Variants in SYNPR observed in about 807,000 individuals in gnomAD.
SYNPR encodes the protein synaptoporin.
In SYNPR, 23 loss-of-function variants were observed where a neutral mutation model predicts 32.9. That is an observed-to-expected ratio of 0.70 (90% CI 0.50 to 0.99). The LOEUF (loss-of-function observed/expected upper bound fraction) is 0.99. Ranked by LOEUF, SYNPR falls within the 50% of genes least tolerant of loss-of-function variation. The pLI, the probability that SYNPR is intolerant of heterozygous loss-of-function variation, is 0.00. For synonymous variants in SYNPR, 146 were observed against 135.9 expected (o/e 1.07, Z -0.52); for missense variants, 318 against 349.3 (o/e 0.91, Z 0.71).
At chr3:63,521,775 A>T (rs1316950283) in intron 3 of SYNPR, among the ~76,000 whole-genome samples, 2 of 152,196 alleles carry the variant, frequency 1.3e-5, no homozygotes, top group East Asian at 1.9e-4. Context: ...GGCACATTCA[A>T]GTGGGCAATT....
At chr3:63,363,991 C>T (rs1390461106) in intron 2 of SYNPR, among the ~76,000 whole-genome samples, 2 of 152,146 alleles carry the variant, frequency 1.3e-5, no homozygotes, top group Non-Finnish European at 2.9e-5. Context: ...GTCCCTGCTA[C>T]CCCTGACGAT....
intron 2 of SYNPR, among the ~76,000 whole-genome samples, chr3:63,401,770 G>C (rs2088296891): frequency 6.6e-6 from 1 of 152,136 alleles, no homozygotes; most frequent in Non-Finnish European, 1.5e-5. Flanking sequence ...CTTTTTTGCA[G>C]AGCATGAATG....
intron 4 of SYNPR, among the ~76,000 whole-genome samples, chr3:63,581,400 T>C (rs1314417620): frequency 6.6e-6 from 1 of 152,112 alleles, no homozygotes; most frequent in Admixed American, 6.6e-5. Flanking sequence ...TCAGTAACAG[T>C]AACATAGTAG....
Position 63,278,416 on chromosome 3 carries a change from C to G in SYNPR, c.-118C>G, listed in dbSNP as rs2086596229. 7.4e-7 allele frequency: 1 copy of G among 1,343,718 alleles called. No individual in the cohort carries two copies. The highest frequency in any genetic ancestry group is 1.0e-6 in the Non-Finnish European group (1 of 1,000,908). The allele number at this position is 1,343,718 out of a possible 1,614,324, so 83.2% of individuals were successfully genotyped here. On this transcript the variant is annotated 5_prime_UTR_variant, in exon 1 of 6. Coordinates refer to ENST00000478300, the MANE Select transcript of SYNPR (RefSeq NM_001130003.2). ...GCCCCCTGCCCTCGCCGGGCTGCTC[C>G]AGGGTGTCGCTCCTCTGGCTGCTCC...
intron 2 of SYNPR, among the ~76,000 whole-genome samples, chr3:63,371,171 C>T (rs1165103602): frequency 1.3e-5 from 2 of 152,008 alleles, no homozygotes; most frequent in African/African-American, 4.8e-5. Flanking sequence ...TGACAGTCCC[C>T]AGGAACCCAC....
At chr3:63,473,218 C>T (rs865978909) in intron 2 of SYNPR, among the ~76,000 whole-genome samples, 4 of 152,244 alleles carry the variant, frequency 2.6e-5, no homozygotes, top group African/African-American at 9.6e-5. Flanking sequence ...CTATCCATTC[C>T]TCCAGACAGC....
chr3:63,560,518 T>G (rs1702668020), intron 4 of SYNPR, among the ~76,000 whole-genome samples: 1 of 152,222 alleles, frequency 6.6e-6, no homozygotes, highest in Non-Finnish European at 1.5e-5. Context: ...TAATTTTGCT[T>G]GTTTAAAACC....
At chr3:63,315,340 C>G (rs1390027715) in intron 2 of SYNPR, among the ~76,000 whole-genome samples, 1 of 151,974 alleles carries the variant, frequency 6.6e-6, no homozygotes, top group East Asian at 1.9e-4. Context: ...TGGTAATTTT[C>G]ACAATATTGA....
chr3:63,276,905 C>A (rs1043962090), upstream of SYNPR, among the ~76,000 whole-genome samples: 6 of 133,210 alleles, frequency 4.5e-5, no homozygotes, highest in African/African-American at 1.5e-4. Context: ...ATACCCACCC[C>A]CCCCACCAAC....
chr3:63,348,483 G>A (rs2087464961), intron 2 of SYNPR, among the ~76,000 whole-genome samples: 1 of 152,016 alleles, frequency 6.6e-6, no homozygotes. Context: ...TCCAAGTTGT[G>A]TGTTCACTCT....
chr3:63,256,771 G>A (rs542554590), intron 2 of SYNPR, among the ~76,000 whole-genome samples: 2 of 152,120 alleles, frequency 1.3e-5, no homozygotes, highest in Non-Finnish European at 2.9e-5. Context: ...AAACTACTCT[G>A]AGCTAAAGGA....
intron 4 of SYNPR, among the ~76,000 whole-genome samples, chr3:63,577,210 A>C (rs1339830506): frequency 1.3e-5 from 2 of 152,226 alleles, no homozygotes; most frequent in African/African-American, 4.8e-5. Context: ...GCAATGCTTA[A>C]ATGCTGTCTG....
intron 2 of SYNPR, among the ~76,000 whole-genome samples, chr3:63,395,586 T>G (rs1042042599): frequency 5.3e-5 from 8 of 152,196 alleles, no homozygotes; most frequent in African/African-American, 7.2e-5. Flanking sequence ...TCAGAGAGGC[T>G]AAGTAAGATA....
At chr3:63,561,945 G>C (rs1702697846) in intron 4 of SYNPR, among the ~76,000 whole-genome samples, 1 of 152,104 alleles carries the variant, frequency 6.6e-6, no homozygotes, top group Non-Finnish European at 1.5e-5. Context: ...AATGCCTTTA[G>C]AAGTAACACA....
intron 2 of SYNPR, among the ~76,000 whole-genome samples, chr3:63,310,225 T>C (rs1355182125): frequency 6.6e-6 from 1 of 151,986 alleles, no homozygotes; most frequent in Admixed American, 6.6e-5. Context: ...TTTGTTTTGT[T>C]TTCTTCTCAG....
chr3:63,381,752 TTC>T (rs1275728806), intron 2 of SYNPR, among the ~76,000 whole-genome samples: 2 of 152,190 alleles, frequency 1.3e-5, no homozygotes, highest in Non-Finnish European at 2.9e-5. Flanking sequence ...TTTCTGTTCA[TTC>T]TCTCTGTGTA....
upstream of SYNPR, among the ~76,000 whole-genome samples, chr3:63,277,210 A>G (rs1377368646): frequency 6.6e-6 from 1 of 152,062 alleles, no homozygotes; most frequent in Non-Finnish European, 1.5e-5. Flanking sequence ...CTATCCTTCC[A>G]TGGGCCTCAA....
At chr3:63,373,728 C>A (rs747526977) in intron 2 of SYNPR, among the ~76,000 whole-genome samples, 2 of 152,042 alleles carry the variant, frequency 1.3e-5, no homozygotes, top group Non-Finnish European at 2.9e-5. Context: ...ACACAGAGAA[C>A]CCCTGCAAGA....
chr3:63,324,521 G>T (rs1179222319), intron 2 of SYNPR, among the ~76,000 whole-genome samples: 1 of 152,044 alleles, frequency 6.6e-6, no homozygotes, highest in African/African-American at 2.4e-5. Flanking sequence ...CAGAACAGAG[G>T]GACCAATTAT....
Sources: allele counts gnomAD v4.1 joint callset (sites outside exome capture counted in the v4.1 genomes callset), GRCh38; gene constraint gnomAD v4.1.1; transcripts MANE v1.5; gene names NCBI Gene and HGNC (gene_info 2026-07-23, HGNC 2026-07-21).